Variants in STK32C observed in about 807,000 individuals in gnomAD.
STK32C encodes serine/threonine kinase 32C, also known as serine/threonine-protein kinase 32C.
A neutral mutation model predicts 56.5 loss-of-function variants in STK32C; 31 were observed. That is an observed-to-expected ratio of 0.55 (90% CI 0.41 to 0.74). The LOEUF (loss-of-function observed/expected upper bound fraction) is 0.74. Ranked by LOEUF, STK32C falls within the 30% of genes least tolerant of loss-of-function variation. The pLI is 0.00. For missense variants in STK32C, 544 were observed against 676.9 expected (o/e 0.80, Z 2.18); for synonymous variants, 309 against 289.4 (o/e 1.07, Z -0.69).
At chr10:132,213,261 G>T (rs1464973292) in intron 10 of STK32C, among the ~76,000 whole-genome samples, 1 of 152,268 alleles carries the variant, frequency 6.6e-6, no homozygotes, top group Non-Finnish European at 1.5e-5. Context: ...GGGAAAAGCA[G>T]ATCAACAACT....
intron 1 of STK32C, among the ~76,000 whole-genome samples, chr10:132,325,345 G>A (rs540394804): frequency 1.3e-5 from 2 of 152,234 alleles, no homozygotes; most frequent in African/African-American, 2.4e-5. Context: ...AAGGTCAGGA[G>A]ATCAAGACCG....
intron 1 of STK32C, among the ~76,000 whole-genome samples, chr10:132,293,820 C>T (rs1480569274): frequency 6.6e-6 from 1 of 152,118 alleles, no homozygotes; most frequent in East Asian, 1.9e-4. Flanking sequence ...GGGACAGCCC[C>T]GAGGAAGCCC....
intron 1 of STK32C, among the ~76,000 whole-genome samples, chr10:132,282,087 G>A (rs1329222914): frequency 1.3e-5 from 2 of 152,242 alleles, no homozygotes; most frequent in African/African-American, 2.4e-5. Context: ...CTCCGGGGGT[G>A]GGGGCGACAG....
At position 132,245,882 on chromosome 10, in the gene STK32C, C is replaced by A. The variant is rs774419162; in HGVS notation, c.318+18G>T. The A allele has an allele frequency of 2.1e-5, 34 of 1,611,274 alleles. 1 individual carries two copies. Among genetic ancestry groups the A allele is most frequent in the Admixed American group, 5.0e-5 (3 of 59,996 alleles). On this transcript the variant is annotated intron_variant, in intron 2 of 11. Coordinates refer to ENST00000298630, the MANE Select transcript of STK32C (RefSeq NM_173575.4). ...CCCTGCCCCCTCAGCCCAGTCCCCA[C>A]CCCAGGCCCTGCCTTACCTTGCCAA...
upstream of STK32C, chr10:132,308,002 C>T: frequency 7.7e-6 from 1 of 129,184 alleles, no homozygotes; most frequent in South Asian, 4.8e-4. Context: ...GGGGCAGGGG[C>T]GGGGCTTCTG....
In STK32C at chr10:132,268,224, C is replaced by CGTGT. The variant is rs59819169; in HGVS notation, c.263-22273_263-22270dup. Among the ~76,000 whole-genome samples the CGTGT allele has an allele frequency of 2.6e-3, 225 of 87,084 alleles. 10 individuals carry two copies. In the South Asian group the frequency reaches 0.042, roughly 16 times the overall value. The allele number at this position is 87,084 out of a possible 152,430, so 57.1% of individuals were successfully genotyped here. The stretch of plus-strand genomic sequence containing the variant: ...GCCTGTGTGCATGCATGTCCCACAT[C>CGTGT]GTGTGTGTGTGTGTGTGTCGGTGTG... On this transcript the variant is annotated intron_variant, in intron 1 of 11. Coordinates refer to ENST00000298630, the MANE Select transcript of STK32C (RefSeq NM_173575.4).
chr10:132,208,869 G>C (rs576450794), intron 11 of STK32C, among the ~76,000 whole-genome samples, 165 bp downstream of exon 11: 1 of 152,108 alleles, frequency 6.6e-6, no homozygotes, highest in Non-Finnish European at 1.5e-5. Flanking sequence ...CCTGGCAGGG[G>C]CCTCCCGCCG....
intron 7 of STK32C, among the ~76,000 whole-genome samples, chr10:132,224,917 G>A (rs1417573086): frequency 6.6e-6 from 1 of 152,204 alleles, no homozygotes; most frequent in Admixed American, 6.5e-5. Context: ...AGAGCACAGG[G>A]CCCCAAAAGA....
intron 1 of STK32C, among the ~76,000 whole-genome samples, chr10:132,279,618 G>GT (rs1226396780): frequency 6.6e-6 from 1 of 150,938 alleles, no homozygotes; most frequent in Non-Finnish European, 1.5e-5. Flanking sequence ...CCTGCACTCT[G>GT]TAATCATGCC....
chr10:132,289,883 T>A (rs1452088016), intron 1 of STK32C, among the ~76,000 whole-genome samples: 1 of 152,202 alleles, frequency 6.6e-6, no homozygotes, highest in Non-Finnish European at 1.5e-5. Context: ...TTCGGTCCAC[T>A]CCAATGTTCA....
At position 132,222,784 on chromosome 10, in the gene STK32C, T is replaced by C; in HGVS notation, c.1120-12A>G. 1.3e-6 allele frequency: 2 copies of C among 1,596,952 alleles called. No individual in the cohort carries two copies. Among genetic ancestry groups the C allele is most frequent in the Middle Eastern group, 1.7e-4 (1 of 6,020 alleles). Reference sequence around the variant, plus strand: ...TGCAGACGGCCTTTCTACAGAGGGATGGGTGCTGAGCCCCGGCCCGTGGAG... The same window carrying C: ...TGCAGACGGCCTTTCTACAGAGGGACGGGTGCTGAGCCCCGGCCCGTGGAG... On this transcript the variant is annotated splice_polypyrimidine_tract_variant and intron_variant, in intron 9 of 11. Transcript: ENST00000298630.
intron 2 of STK32C, among the ~76,000 whole-genome samples, chr10:132,235,125 CGTGTGAGTG>C (rs200251283): frequency 0.014 from 2,055 of 151,834 alleles, 46 homozygotes; most frequent in African/African-American, 0.042. Context: ...TGGTATGAAC[CGTGTGAGTG>C]GTGTGAGTGG....
chr10:132,284,269 A>C (rs538696394), intron 1 of STK32C, among the ~76,000 whole-genome samples: 1 of 139,310 alleles, frequency 7.2e-6, no homozygotes, highest in Non-Finnish European at 1.5e-5. Flanking sequence ...ATCAAGGTGG[A>C]GAACAGGGGC....
intron 1 of STK32C, among the ~76,000 whole-genome samples, chr10:132,292,336 C>G (rs772176504): frequency 6.6e-6 from 1 of 152,172 alleles, no homozygotes; most frequent in East Asian, 1.9e-4. Flanking sequence ...GTATCGGCCT[C>G]GGCCTCTCCA....
At chr10:132,219,260 G>T (rs1442164110) in intron 10 of STK32C, among the ~76,000 whole-genome samples, 2 of 152,146 alleles carry the variant, frequency 1.3e-5, no homozygotes, top group African/African-American at 4.8e-5. Context: ...CAGCCTCAAG[G>T]TTAACAGTGG....
intron 1 of STK32C, among the ~76,000 whole-genome samples, chr10:132,262,438 G>A (rs1420911910): frequency 6.6e-6 from 1 of 152,122 alleles, no homozygotes; most frequent in Non-Finnish European, 1.5e-5. Flanking sequence ...GTGACAAGTG[G>A]AACCTAATTA....
intron 1 of STK32C, among the ~76,000 whole-genome samples, chr10:132,284,660 C>T (rs560664315): frequency 5.9e-5 from 9 of 151,964 alleles, no homozygotes; most frequent in Non-Finnish European, 1.0e-4. Flanking sequence ...GCCCAAAGAC[C>T]AGGCATGAAC....
intron 1 of STK32C, among the ~76,000 whole-genome samples, chr10:132,286,271 A>C (rs1052024505): frequency 1.3e-5 from 2 of 152,260 alleles, no homozygotes; most frequent in Non-Finnish European, 2.9e-5. Context: ...TTATCTCCTA[A>C]AGAAATTGAG....
Position 132,253,593 on chromosome 10 carries a change from C to CGAGGGAGCTG in STK32C, c.263-7648_263-7639dup, listed in dbSNP as rs1377591951. Among the ~76,000 whole-genome samples the CGAGGGAGCTG allele has an allele frequency of 3.3e-4, 37 of 110,456 alleles. 1 individual carries two copies. Among genetic ancestry groups the CGAGGGAGCTG allele is most frequent in the Admixed American group, 7.2e-4 (8 of 11,164 alleles). The allele number at this position is 110,456 out of a possible 152,430, so 72.5% of individuals were successfully genotyped here. A position where few individuals can be genotyped will look rare whatever the true frequency, so the allele number is the denominator to read the frequency against. ...GGAGCTGGAGGGAGCTGGAGGGAGC[C>CGAGGGAGCTG]GAGGGAGCTGGAGGGAGCCGAGGGA... On this transcript the variant is annotated intron_variant, in intron 1 of 11. Coordinates refer to ENST00000298630, the MANE Select transcript of STK32C (RefSeq NM_173575.4).
Sources: gnomAD v4.1 joint callset for allele counts (sites outside exome capture counted in the v4.1 genomes callset) on GRCh38, gnomAD v4.1.1 for gene constraint, MANE v1.5 for transcripts, NCBI Gene and HGNC (gene_info 2026-07-23, HGNC 2026-07-21) for gene names.